Variants in OR4K1 observed in about 807,000 individuals in gnomAD.
OR4K1 encodes the protein olfactory receptor family 4 subfamily K member 1.
A neutral mutation model predicts 14.4 loss-of-function variants in OR4K1; 16 were observed. That is an observed-to-expected ratio of 1.11 (90% CI 0.75 to 1.68). The LOEUF (loss-of-function observed/expected upper bound fraction) is 1.68. Among genes scored for constraint, OR4K1 ranks in the 40% most tolerant of loss-of-function variants. The pLI is 0.00. For missense variants in OR4K1, 548 were observed against 376.9 expected, an observed-to-expected ratio of 1.45 and a Z score of -3.76; for synonymous variants, 181 against 133.1, an observed-to-expected ratio of 1.36 and a Z score of -2.48.
At chr14:19,925,657 T>C in the OR4K1 span, among the ~76,000 whole-genome samples, 1 of 152,284 alleles carries the variant, frequency 6.6e-6, no homozygotes, top group Non-Finnish European at 1.5e-5. Context: ...TGATGAGCAG[T>C]CCTTCTGACA....
chr14:19,931,600 C>T (rs1882185548), intron 1 of OR4K1, among the ~76,000 whole-genome samples: 2 of 152,186 alleles, frequency 1.3e-5, no homozygotes, highest in South Asian at 2.1e-4. Flanking sequence ...AAGTATTATA[C>T]ATTAAAATAA....
chr14:19,925,214 A>G, the OR4K1 span, among the ~76,000 whole-genome samples: 1 of 152,238 alleles, frequency 6.6e-6, no homozygotes, highest in Non-Finnish European at 1.5e-5. Context: ...AGTGTAAAGG[A>G]AAGTGTCTTG....
At chr14:19,932,141 A>G (rs1395540737) in intron 1 of OR4K1, among the ~76,000 whole-genome samples, 1 of 152,250 alleles carries the variant, frequency 6.6e-6, no homozygotes, top group Non-Finnish European at 1.5e-5. Context: ...AATTAAGACT[A>G]AAAACCTTAT....
upstream of OR4K1, among the ~76,000 whole-genome samples, chr14:19,928,147 T>C (rs963635459): frequency 1.3e-5 from 2 of 152,230 alleles, no homozygotes; most frequent in African/African-American, 2.4e-5. Flanking sequence ...CACCAGTAGC[T>C]AAAATACTCA....
rs373472554 is a variant in OR4K1, at chr14:19,936,278, C to T, written c.612C>T (p.Gly204=). The T allele has an allele frequency of 5.0e-6, 8 of 1,614,242 alleles. No homozygotes were observed. The South Asian group carries it at 6.6e-5, about 13-fold the overall frequency. ...EMEIMTLTNS[G]LISLSCFLAL... is the part of the protein sequence containing the mutation. ...AAATTATGACCCTAACGAACAGTGG[C>T]CTGATATCATTGAGCTGTTTCCTGG... is the stretch of plus-strand genomic sequence containing the variant. Residue 204 remains glycine, a synonymous_variant, in exon 2 of 2, where the codon GGC becomes GGT. Transcript: ENST00000641172.
chr14:19,920,444 A>T, the OR4K1 span: 3 of 749,564 alleles, frequency 4.0e-6, no homozygotes, highest in Non-Finnish European at 6.3e-6. Context: ...ACCTATCCAG[A>T]CATACTATTA....
At chr14:19,924,319 G>C in the OR4K1 span, among the ~76,000 whole-genome samples, 2 of 144,612 alleles carry the variant, frequency 1.4e-5, no homozygotes, top group African/African-American at 5.2e-5. Context: ...AGAATCGCTT[G>C]AACTTGGGAG....
At chr14:19,920,777 C>T in the OR4K1 span, 1 of 1,614,176 alleles carries the variant, frequency 6.2e-7, no homozygotes, top group South Asian at 1.1e-5. Context: ...GCCTGCACTC[C>T]CCTATGTACT....
At chr14:19,935,194 A>T (rs965737955) in intron 1 of OR4K1, among the ~76,000 whole-genome samples, 3 of 152,210 alleles carry the variant, frequency 2.0e-5, no homozygotes, top group Non-Finnish European at 4.4e-5. Flanking sequence ...TATTCATGTT[A>T]TTCATTTCAC....
At chr14:19,929,826 T>C (rs1303218267), upstream of OR4K1, among the ~76,000 whole-genome samples, 1 of 152,226 alleles carries the variant, frequency 6.6e-6, no homozygotes, top group Non-Finnish European at 1.5e-5. Flanking sequence ...TCTAACATTA[T>C]TTTACTATTG....
chr14:19,925,187 C>A, the OR4K1 span, among the ~76,000 whole-genome samples: 1 of 152,210 alleles, frequency 6.6e-6, no homozygotes, highest in East Asian at 1.9e-4. Context: ...GTGGAAATAA[C>A]TCTAGTCAAT....
At chr14:19,934,645 TC>T (rs2138595633) in intron 1 of OR4K1, among the ~76,000 whole-genome samples, 1 of 152,228 alleles carries the variant, frequency 6.6e-6, no homozygotes, top group East Asian at 1.9e-4. Flanking sequence ...ATTGTTTCTA[TC>T]ATTTTCTTTT....
chr14:19,920,618 C>A, the OR4K1 span: 1 of 1,605,876 alleles, frequency 6.2e-7, no homozygotes, highest in Non-Finnish European at 8.5e-7. Flanking sequence ...TGGATAAGTC[C>A]AATTCTTCAG....
chr14:19,924,478 C>A, the OR4K1 span, among the ~76,000 whole-genome samples: 3 of 141,958 alleles, frequency 2.1e-5, no homozygotes, highest in South Asian at 2.4e-4. Context: ...AAATTTATTT[C>A]TTGACTTTTT....
the OR4K1 span, chr14:19,920,790 C>A: frequency 6.2e-7 from 1 of 1,614,188 alleles, no homozygotes; most frequent in Admixed American, 1.7e-5. Flanking sequence ...TATGTACTTT[C>A]TCTTGGGAAA....
chr14:19,923,130 T>G, the OR4K1 span, among the ~76,000 whole-genome samples: 1 of 152,374 alleles, frequency 6.6e-6, no homozygotes, highest in Admixed American at 6.5e-5. Context: ...TATTTGTAAA[T>G]ATGTAGAAAT....
In OR4K1 at chr14:19,935,633, ATTTCT is replaced by A; in HGVS notation, c.-19-11_-19-7del. 2.0e-6 allele frequency: 3 copies of A among 1,519,770 alleles called. No individual in the cohort carries two copies. The highest frequency in any genetic ancestry group is 2.7e-6 in the Non-Finnish European group (3 of 1,127,688). The allele number at this position is 1,519,770 out of a possible 1,614,324, so 94.1% of individuals were successfully genotyped here. A position where few individuals can be genotyped will look rare whatever the true frequency, so the allele number is the denominator to read the frequency against. On this transcript the variant is annotated splice_polypyrimidine_tract_variant and intron_variant, in intron 1 of 1. Coordinates refer to ENST00000641172, the MANE Select transcript of OR4K1 (RefSeq NM_001004063.3). Reference sequence around the variant, plus strand: ...TGCCAATCATTGTGACATTTTTCTGATTTCTTTTTTTTAGGTAACTGAATATTGGA... The same window carrying A: ...TGCCAATCATTGTGACATTTTTCTGATTTTTTTAGGTAACTGAATATTGGA...
upstream of OR4K1, among the ~76,000 whole-genome samples, chr14:19,927,074 G>A (rs1325456448): frequency 6.6e-6 from 1 of 152,238 alleles, no homozygotes; most frequent in Non-Finnish European, 1.5e-5. Context: ...ATTGGAAATG[G>A]CATGTGTAGG....
At chr14:19,921,957 G>T in the OR4K1 span, among the ~76,000 whole-genome samples, 2 of 152,202 alleles carry the variant, frequency 1.3e-5, no homozygotes, top group South Asian at 2.1e-4. Context: ...CTTCTATGTG[G>T]ATGAATAGTA....
Sources: allele counts gnomAD v4.1 joint callset (sites outside exome capture counted in the v4.1 genomes callset), GRCh38; gene constraint gnomAD v4.1.1; transcripts MANE v1.5; gene names NCBI Gene and HGNC (gene_info 2026-07-23, HGNC 2026-07-21).